The following SAMHD1 variants were observed in gnomAD, a reference collection of about 807,000 sequenced individuals.
SAMHD1 encodes deoxynucleoside triphosphate triphosphohydrolase SAMHD1.
A neutral mutation model predicts 79.6 loss-of-function variants in SAMHD1; 54 were observed. The observed-to-expected ratio is 0.68, with a 90% confidence interval of 0.55 to 0.85. SAMHD1 has a LOEUF of 0.85. SAMHD1 is among the 40% of genes least tolerant of loss of function. The pLI, the probability that SAMHD1 is intolerant of heterozygous loss-of-function variation, is 0.00. For missense variants in SAMHD1, 663 were observed against 782.7 expected (o/e 0.85, Z 1.82); for synonymous variants, 260 against 264.1 (o/e 0.98, Z 0.15).
chr20:36,939,902 C>T (rs561458743), intron 3 of SAMHD1, among the ~76,000 whole-genome samples: 43 of 152,228 alleles, frequency 2.8e-4, no homozygotes, highest in African/African-American at 1.0e-3. Context: ...CTCTGAAGAG[C>T]TTGTGAAAAA....
intron 6 of SAMHD1, among the ~76,000 whole-genome samples, chr20:36,923,649 T>G (rs1425807448): frequency 6.6e-6 from 1 of 152,004 alleles, no homozygotes; most frequent in African/African-American, 2.4e-5. Flanking sequence ...ATAGTAAGAC[T>G]CCATCTCTAC....
rs559553527 is a variant in SAMHD1 at position 36,917,033 on chromosome 20, C to T, written c.869G>A (p.Arg290His). The change falls in exon 8 of 16, where the codon CGT becomes CAT. Residue 290 changes from arginine to histidine, a missense_variant. By Grantham distance (29) the Arg-to-His change is conservative. Transcript: ENST00000646673. The part of the protein sequence containing the change: ...VEDSLWPYKG[R>H]PENKSFLYEI... Reference sequence around the variant, plus strand: ...ATAAAGGAAGCTTTTGTTTTCAGGACGCCCTTTATATGGCCACTGGAAGGC... The same window carrying T: ...ATAAAGGAAGCTTTTGTTTTCAGGATGCCCTTTATATGGCCACTGGAAGGC... 8.7e-6 allele frequency: 14 copies of T among 1,613,258 alleles called. No homozygotes were observed. The highest frequency in any genetic ancestry group is 1.3e-5 in the African/African-American group (1 of 74,880).
intron 3 of SAMHD1, 44 bp downstream of exon 3, chr20:36,940,995 A>T (rs755664892): frequency 2.9e-6 from 4 of 1,395,200 alleles, no homozygotes. Flanking sequence ...ATTGAGTTAT[A>T]TCACTTTATA....
At chr20:36,930,944 A>C in intron 4 of SAMHD1, 69 bp from the exon 5 acceptor site, 1 of 1,047,644 alleles carries the variant, frequency 9.5e-7, no homozygotes. Flanking sequence ...GTCCTCAAGA[A>C]CTTCAGTATG....
At chr20:36,889,908 A>ACT (rs1294780855), downstream of SAMHD1, 3 of 107,412 alleles carry the variant, frequency 2.8e-5, no homozygotes, top group Non-Finnish European at 6.9e-5. Context: ...ATGTTCCATG[A>ACT]ATGTGTGTGT....
chr20:36,933,491 T>TTTTATTTA (rs998987151), intron 4 of SAMHD1, among the ~76,000 whole-genome samples: 5 of 151,930 alleles, frequency 3.3e-5, no homozygotes, highest in African/African-American at 1.2e-4. Context: ...ACCCATTAGC[T>TTTTATTTA]TTTATTTATT....
chr20:36,945,534 G>A (rs1288322720), intron 2 of SAMHD1, among the ~76,000 whole-genome samples: 2 of 152,154 alleles, frequency 1.3e-5, no homozygotes, highest in Non-Finnish European at 2.9e-5. Context: ...GAACTTGAGA[G>A]TAAAAAGTTG....
intron 2 of SAMHD1, among the ~76,000 whole-genome samples, chr20:36,944,077 CAAAAAAAAAAA>C (rs542947370): frequency 1.1e-5 from 1 of 89,996 alleles, no homozygotes; most frequent in South Asian, 4.7e-4. Context: ...GACTCCATCT[CAAAAAAAAAAA>C]AAAAAAAAAG....
intron 6 of SAMHD1, among the ~76,000 whole-genome samples, chr20:36,924,662 T>C (rs1479911186): frequency 6.6e-6 from 1 of 152,204 alleles, no homozygotes; most frequent in Admixed American, 6.5e-5. Context: ...ATGATTGCTG[T>C]TCTATTTCAA....
In SAMHD1 at chr20:36,890,428, T is replaced by C; in HGVS notation, c.*2504A>G. The C allele has an allele frequency of 6.6e-6, 1 of 151,464 alleles. No homozygotes were observed. The highest frequency in any genetic ancestry group is 2.4e-5 in the African/African-American group (1 of 41,202). The allele number at this position is 151,464 out of a possible 1,614,324, so 9.4% of individuals were successfully genotyped here. On this transcript the variant is annotated 3_prime_UTR_variant, in exon 16 of 16. Transcript: ENST00000646673. ...TTTCTTTCTTTCTTTCTTTTCTTTC[T>C]CTCTTTCCTTCCTTCCTTCCCTCCT...
At chr20:36,931,632 G>A (rs964661405) in intron 4 of SAMHD1, among the ~76,000 whole-genome samples, 3 of 151,696 alleles carry the variant, frequency 2.0e-5, no homozygotes, top group East Asian at 3.9e-4. Context: ...GCAAGATTCC[G>A]TCCCCACCAC....
chr20:36,893,158 A>C (rs534458534), intron 15 of SAMHD1, 92 bp from the exon 16 acceptor site: 5 of 1,476,452 alleles, frequency 3.4e-6, no homozygotes, highest in South Asian at 1.1e-5. Flanking sequence ...GCACATCCTC[A>C]TCTTGCATAT....
intron 6 of SAMHD1, among the ~76,000 whole-genome samples, chr20:36,920,326 G>C (rs568367075): frequency 6.6e-6 from 1 of 151,928 alleles, no homozygotes; most frequent in Non-Finnish European, 1.5e-5. Flanking sequence ...TTGTTGACCA[G>C]GTTGGTCTTG....
chr20:36,892,993 G>A lies in SAMHD1; in HGVS notation c.1820C>T (p.Pro607Leu). The A allele has an allele frequency of 6.2e-7, 1 of 1,613,968 alleles. No individual in the cohort carries two copies. The highest frequency in any genetic ancestry group is 1.1e-5 in the South Asian group (1 of 91,052). ...TTTGGATGCTTCTCGGAGGCGAGTT[G>A]GATTTTGGACTGAAGTACTGTCGTT... is the stretch of plus-strand genomic sequence containing the variant. ...EWNDSTSVQN[P>L]TRLREASKSR... The change falls in exon 16 of 16, where the codon CCA (proline) becomes CTA (leucine). Residue 607 changes from proline to leucine, a missense_variant. By Grantham distance (98) the Pro-to-Leu change is moderately conservative. Transcript: ENST00000646673.
At chr20:36,907,580 C>G (rs1268973116) in intron 11 of SAMHD1, among the ~76,000 whole-genome samples, 1 of 125,484 alleles carries the variant, frequency 8.0e-6, no homozygotes, top group African/African-American at 3.0e-5. Context: ...CACCCTGTTA[C>G]CCAGGCTGGA....
chr20:36,930,801 T>A lies in SAMHD1; in HGVS notation c.584A>T (p.Asp195Val). The A allele has an allele frequency of 6.2e-7, 1 of 1,613,898 alleles. No homozygotes were observed. Among genetic ancestry groups the A allele is most frequent in the Non-Finnish European group, 8.5e-7 (1 of 1,179,898 alleles). Residue 195 changes from aspartate (D) to valine (V), a missense_variant, in exon 5 of 16, where the codon GAT becomes GTT. By Grantham distance (152) the Asp-to-Val change is radical. Transcript: ENST00000646673. The part of the protein sequence containing the change: ...KQPELQISER[D>V]VLCVQIAGLC... ...TCCAGCAATCTGAACACAGAGAACA[T>A]CTCGTTCACTTATCTGCAGCTCTGG...
chr20:36,898,061 T>G, intron 14 of SAMHD1, 102 bp from the exon 15 acceptor site: 1 of 1,425,140 alleles, frequency 7.0e-7, no homozygotes, highest in Non-Finnish European at 9.8e-7. Context: ...TGAGACAAGA[T>G]CTCCCTGTCA....
chr20:36,928,905 T>A (rs560251652), intron 5 of SAMHD1, among the ~76,000 whole-genome samples: 2 of 150,706 alleles, frequency 1.3e-5, no homozygotes, highest in South Asian at 4.2e-4. Context: ...AAAACTATAA[T>A]AATTAGCTGG....
At chr20:36,896,340 G>A (rs1443842982) in intron 15 of SAMHD1, among the ~76,000 whole-genome samples, 1 of 151,964 alleles carries the variant, frequency 6.6e-6, no homozygotes, top group African/African-American at 2.4e-5. Flanking sequence ...AGACACCAAG[G>A]GACAATTCTA....
Sources: gnomAD v4.1 joint callset for allele counts (sites outside exome capture counted in the v4.1 genomes callset) on GRCh38, gnomAD v4.1.1 for gene constraint, MANE v1.5 for transcripts, NCBI Gene and HGNC (gene_info 2026-07-23, HGNC 2026-07-21) for gene names.